LTBP1: variants seen among roughly 807,000 people sequenced by gnomAD.
LTBP1 encodes latent transforming growth factor beta binding protein 1, also known as latent-transforming growth factor beta-binding protein 1.
In LTBP1, 129 loss-of-function variants were observed where a neutral mutation model predicts 207.6. That is an observed-to-expected ratio of 0.62 (90% CI 0.54 to 0.72). The LOEUF is 0.72. Ranked by LOEUF, LTBP1 falls within the 30% of genes least tolerant of loss-of-function variation. The pLI is 0.00. For missense variants in LTBP1, 2,281 were observed against 2,217.2 expected, an observed-to-expected ratio of 1.03 and a Z score of -0.58; for synonymous variants, 963 against 833.7, an observed-to-expected ratio of 1.16 and a Z score of -2.67.
intron 24 of LTBP1, among the ~76,000 whole-genome samples, chr2:33,322,179 A>G (rs1213843154): frequency 6.6e-6 from 1 of 151,012 alleles, no homozygotes; most frequent in East Asian, 1.9e-4. Flanking sequence ...CCCCAGAGCT[A>G]TGGAAATCAT....
At chr2:33,201,408 C>A (rs2089247889) in intron 7 of LTBP1, among the ~76,000 whole-genome samples, 1 of 143,508 alleles carries the variant, frequency 7.0e-6, no homozygotes, top group East Asian at 2.1e-4. Flanking sequence ...TATTCTCACT[C>A]ATAGGTGGGA....
chr2:32,996,358 C>T (rs1471196070), intron 2 of LTBP1, among the ~76,000 whole-genome samples: 2 of 152,148 alleles, frequency 1.3e-5, no homozygotes. Flanking sequence ...TTCATAAGGG[C>T]TTCATCCTTA....
At chr2:33,313,178 A>G (rs2094211966) in intron 23 of LTBP1, among the ~76,000 whole-genome samples, 1 of 152,244 alleles carries the variant, frequency 6.6e-6, no homozygotes, top group South Asian at 2.1e-4. Flanking sequence ...CTTCCTTGAA[A>G]TATCTAAAAA....
intron 3 of LTBP1, among the ~76,000 whole-genome samples, chr2:33,107,775 C>T (rs1001401617): frequency 8.5e-5 from 13 of 152,138 alleles, no homozygotes; most frequent in African/African-American, 1.4e-4. Context: ...TGGGTGCCCC[C>T]GCCAACCACT....
chr2:32,959,621 A>ATATATTTTTTTTT (rs1475834284), intron 2 of LTBP1, among the ~76,000 whole-genome samples: 1 of 36,668 alleles, frequency 2.7e-5, no homozygotes, highest in Non-Finnish European at 5.0e-5. Flanking sequence ...ATATATATAT[A>ATATATTTTTTTTT]TTTTTTTTTT....
chr2:33,261,386 G>C (rs2093005278), intron 13 of LTBP1, among the ~76,000 whole-genome samples: 1 of 152,194 alleles, frequency 6.6e-6, no homozygotes. Flanking sequence ...CTAGTTTTAA[G>C]AAGACAGAGG....
intron 2 of LTBP1, among the ~76,000 whole-genome samples, chr2:33,018,764 T>G (rs375720108): frequency 2.7e-4 from 41 of 152,308 alleles, no homozygotes; most frequent in African/African-American, 9.1e-4. Flanking sequence ...GGAGACCATT[T>G]TAGAACAAAT....
intron 3 of LTBP1, among the ~76,000 whole-genome samples, chr2:33,107,475 G>A (rs1223017138): frequency 6.6e-6 from 1 of 151,632 alleles, no homozygotes; most frequent in Non-Finnish European, 1.5e-5. Flanking sequence ...TCAATCAGAA[G>A]GGATGCTGGA....
chr2:33,104,838 C>T (rs575786720), intron 3 of LTBP1, among the ~76,000 whole-genome samples: 2 of 152,146 alleles, frequency 1.3e-5, no homozygotes, highest in Admixed American at 6.5e-5. Context: ...CTTGCCCTCT[C>T]GAGAATAGAG....
rs74739794 is a variant in LTBP1, at chr2:33,050,374, T to G, written c.863+29168T>G. Reference sequence around the variant, plus strand: ...TATAGGACCTAACAGGTAGAGGAACTTCTATTCTTTGAGTAGATGTCAAAA... The same window carrying G: ...TATAGGACCTAACAGGTAGAGGAACGTCTATTCTTTGAGTAGATGTCAAAA... On this transcript the variant is annotated intron_variant, in intron 3 of 33. Transcript: ENST00000404816. 2.2e-3 allele frequency among the ~76,000 whole-genome samples: 338 copies of G among 152,230 alleles called. 1 individual carries two copies. The highest frequency in any genetic ancestry group is 7.7e-3 in the African/African-American group (320 of 41,532).
intron 9 of LTBP1, among the ~76,000 whole-genome samples, chr2:33,242,847 A>G (rs148837382): frequency 4.9e-4 from 74 of 152,226 alleles, no homozygotes; most frequent in African/African-American, 1.5e-3. Context: ...GAATTTTCCT[A>G]GAGTCTGTCT....
intron 2 of LTBP1, among the ~76,000 whole-genome samples, chr2:32,951,806 G>A (rs1249159427): frequency 1.3e-5 from 2 of 152,150 alleles, no homozygotes; most frequent in Admixed American, 6.5e-5. Context: ...CTCCTTTGTC[G>A]ATGATTTGGT....
intron 3 of LTBP1, among the ~76,000 whole-genome samples, chr2:33,087,084 C>CCTTTTTT (rs1323005803): frequency 1.1e-5 from 1 of 89,026 alleles, no homozygotes; most frequent in Non-Finnish European, 2.1e-5. Flanking sequence ...CTCCTTTATG[C>CCTTTTTT]TTTTTTTTTT....
chr2:33,075,293 G>T (rs929464014), intron 3 of LTBP1, among the ~76,000 whole-genome samples: 1 of 152,056 alleles, frequency 6.6e-6, no homozygotes, highest in Non-Finnish European at 1.5e-5. Flanking sequence ...GCAGGTTTTC[G>T]GTGACCTGTG....
At chr2:33,006,406 CAG>C (rs1686875814) in intron 2 of LTBP1, among the ~76,000 whole-genome samples, 2 of 119,494 alleles carry the variant, frequency 1.7e-5, no homozygotes, top group Admixed American at 1.0e-4. Flanking sequence ...TTTTTTGAGA[CAG>C]AGTCTTGCTC....
chr2:33,134,598 A>T lies in LTBP1; in HGVS notation c.1034-195A>T. On this transcript the variant is annotated intron_variant, in intron 4 of 33. Coordinates refer to ENST00000404816, the MANE Select transcript of LTBP1 (RefSeq NM_206943.4). This position sits in a 1 kb window ranked among gnomAD's most constrained non-coding sequence, Gnocchi z 4.4. Reference sequence around the variant, plus strand: ...GCTAAGCTTCCTACTCCTGTTTCAGAGACACCACTGAATACAGAGCAGCGA... The same window carrying T: ...GCTAAGCTTCCTACTCCTGTTTCAGTGACACCACTGAATACAGAGCAGCGA... 3 of 1,538,206 alleles carry T rather than the reference A, an allele frequency of 2.0e-6. No individual in the cohort carries two copies. In the South Asian group the frequency reaches 3.7e-5, roughly 19 times the overall value.
chr2:33,201,984 T>C (rs1008563409), intron 7 of LTBP1, among the ~76,000 whole-genome samples: 1 of 149,120 alleles, frequency 6.7e-6, no homozygotes, highest in African/African-American at 2.5e-5. Context: ...TTGGCAGATA[T>C]GTTCAGTAAC....
At chr2:33,071,346 G>C (rs1001680651) in intron 3 of LTBP1, among the ~76,000 whole-genome samples, 1 of 152,202 alleles carries the variant, frequency 6.6e-6, no homozygotes, top group Admixed American at 6.5e-5. Flanking sequence ...CAGTCTTTTT[G>C]TAAACGCAAT....
intron 7 of LTBP1, among the ~76,000 whole-genome samples, chr2:33,190,471 G>A (rs867575995): frequency 6.6e-6 from 1 of 152,238 alleles, no homozygotes; most frequent in Middle Eastern, 3.4e-3. Context: ...GGAGAAGGAG[G>A]GGAGATTGTA....
Sources: gnomAD v4.1 joint callset for allele counts (sites outside exome capture counted in the v4.1 genomes callset) on GRCh38, gnomAD v4.1.1 for gene constraint, Gnocchi (gnomAD v3.1) non-coding constraint, MANE v1.5 for transcripts, NCBI Gene and HGNC (gene_info 2026-07-23, HGNC 2026-07-21) for gene names.